ELK3: variants seen among roughly 807,000 people sequenced by gnomAD.
The protein encoded by ELK3 is ETS transcription factor ELK3.
A neutral mutation model predicts 28.9 loss-of-function variants in ELK3; 10 were observed. The ratio of observed to expected loss-of-function variants is 0.35; its 90% CI spans 0.21 to 0.59. The LOEUF (loss-of-function observed/expected upper bound fraction) is 0.59. Ranked by LOEUF, ELK3 falls within the 20% of genes least tolerant of loss-of-function variation. The pLI is 0.82. For synonymous variants in ELK3, 272 were observed against 243.5 expected, an observed-to-expected ratio of 1.12 and a Z score of -1.09; for missense variants, 463 against 517.3, an observed-to-expected ratio of 0.90 and a Z score of 1.02.
At position 96,247,858 on chromosome 12, in the gene ELK3, C is replaced by T; in HGVS notation, c.1002+124C>T. 8.1e-7 allele frequency: 1 copy of T among 1,230,686 alleles called. No individual in the cohort carries two copies. The highest frequency in any genetic ancestry group is 1.6e-5 in the South Asian group (1 of 61,228). The allele number at this position is 1,230,686 out of a possible 1,614,324, so 76.2% of individuals were successfully genotyped here. A position where few individuals can be genotyped will look rare whatever the true frequency, so the allele number is the denominator to read the frequency against. The stretch of plus-strand genomic sequence containing the variant: ...TGTCCTATGACTCGTACCGAGGTCA[C>T]TGTGTAAATGTGAAGGGAAGCTGCT... On this transcript the variant is annotated intron_variant, in intron 3 of 4. Transcript: ENST00000228741. This position sits in a 1 kb window ranked among gnomAD's most constrained non-coding sequence, Gnocchi z 5.5.
At chr12:96,196,189 C>T (rs1174457586) in intron 1 of ELK3, among the ~76,000 whole-genome samples, 1 of 152,202 alleles carries the variant, frequency 6.6e-6, no homozygotes, top group Non-Finnish European at 1.5e-5. Flanking sequence ...CACTGTCAGC[C>T]TGGGAGCCCG....
intron 1 of ELK3, among the ~76,000 whole-genome samples, chr12:96,216,754 C>T (rs1951621500): frequency 6.6e-6 from 1 of 152,196 alleles, no homozygotes; most frequent in Non-Finnish European, 1.5e-5. Context: ...CTTACAACAA[C>T]CCTGTATGAT....
chr12:96,202,505 C>T (rs971456123), intron 1 of ELK3, among the ~76,000 whole-genome samples: 7 of 148,496 alleles, frequency 4.7e-5, no homozygotes, highest in African/African-American at 1.7e-4. Context: ...TCCTGGCCTT[C>T]AGAGCCCTTA....
rs373103053 is a variant in ELK3, at chr12:96,267,342, C to CTGT, written c.*164_*166dup. The CTGT allele has an allele frequency of 2.7e-3, 1,532 of 574,722 alleles. 17 individuals carry two copies. The highest frequency in any genetic ancestry group is 0.025 in the African/African-American group (1,308 of 52,982). 35.6% of individuals were successfully genotyped at this position (574,722 alleles called of 1,614,324 possible). ...TAGATTTATGTTAGCATTTTAAAAA[C>CTGT]TGTTTTTGATATATTCAAGTATATA... is the stretch of plus-strand genomic sequence containing the variant. On this transcript the variant is annotated 3_prime_UTR_variant, in exon 5 of 5. Coordinates refer to ENST00000228741, the MANE Select transcript of ELK3 (RefSeq NM_005230.4).
At chr12:96,242,574 C>T (rs950421863) in intron 2 of ELK3, among the ~76,000 whole-genome samples, 1 of 152,194 alleles carries the variant, frequency 6.6e-6, no homozygotes. Context: ...CTTCTGGGGG[C>T]AGCCCTGGAA....
intron 1 of ELK3, among the ~76,000 whole-genome samples, chr12:96,211,416 T>A (rs555801459): frequency 1.3e-4 from 20 of 152,072 alleles, no homozygotes; most frequent in South Asian, 4.2e-4. Flanking sequence ...CCTAGAGAAT[T>A]TTAGATTGTC....
intron 2 of ELK3, among the ~76,000 whole-genome samples, chr12:96,230,591 A>G (rs897393629): frequency 1.3e-5 from 2 of 152,178 alleles, no homozygotes; most frequent in African/African-American, 4.8e-5. Flanking sequence ...CAGGGTGGAG[A>G]CAGGTCCACC....
chr12:96,228,836 C>T (rs762109956), intron 2 of ELK3, among the ~76,000 whole-genome samples: 1 of 152,122 alleles, frequency 6.6e-6, no homozygotes, highest in Non-Finnish European at 1.5e-5. Flanking sequence ...TCTCAGTTCA[C>T]CCATTGGAAA....
intron 2 of ELK3, among the ~76,000 whole-genome samples, chr12:96,244,941 G>A (rs537039435): frequency 1.3e-5 from 2 of 152,160 alleles, no homozygotes; most frequent in African/African-American, 2.4e-5. Flanking sequence ...GTTCAGCTTC[G>A]AGTAGCAGCG....
At chr12:96,253,335 C>A (rs1187060686) in intron 3 of ELK3, among the ~76,000 whole-genome samples, 1 of 152,190 alleles carries the variant, frequency 6.6e-6, no homozygotes, top group Non-Finnish European at 1.5e-5. Flanking sequence ...TTTTAAGAAA[C>A]TGCCACAGCC....
At chr12:96,226,509 C>T (rs925982772) in intron 2 of ELK3, among the ~76,000 whole-genome samples, 1 of 61,654 alleles carries the variant, frequency 1.6e-5, no homozygotes, top group Non-Finnish European at 3.1e-5. Context: ...CATGTGCACA[C>T]CCATGCCCAC....
At chr12:96,238,397 A>T (rs1439344412) in intron 2 of ELK3, among the ~76,000 whole-genome samples, 2 of 152,232 alleles carry the variant, frequency 1.3e-5, no homozygotes, top group African/African-American at 4.8e-5. Flanking sequence ...CTGGAATTCA[A>T]ACCCAGATCT....
intron 3 of ELK3, among the ~76,000 whole-genome samples, chr12:96,251,312 A>G (rs1342064546): frequency 6.6e-6 from 1 of 152,004 alleles, no homozygotes; most frequent in East Asian, 1.9e-4. Flanking sequence ...TCCTGTGTCA[A>G]ACTTGATCAG....
intron 2 of ELK3, among the ~76,000 whole-genome samples, chr12:96,242,559 C>T (rs994621629): frequency 1.3e-5 from 2 of 152,182 alleles, no homozygotes; most frequent in Admixed American, 6.5e-5. Flanking sequence ...ACATACATGG[C>T]GCTGCTTCTG....
At chr12:96,236,954 G>A (rs1951789247) in intron 2 of ELK3, among the ~76,000 whole-genome samples, 1 of 152,142 alleles carries the variant, frequency 6.6e-6, no homozygotes, top group Admixed American at 6.5e-5. Context: ...AGCCACCCTT[G>A]GTGTTCCTTG....
chr12:96,198,980 A>G (rs1951490936), intron 1 of ELK3, among the ~76,000 whole-genome samples: 1 of 152,216 alleles, frequency 6.6e-6, no homozygotes, highest in East Asian at 1.9e-4. Context: ...ATTTCTTCAT[A>G]GACTTGTTCA....
chr12:96,200,749 G>A (rs2016105), intron 1 of ELK3, among the ~76,000 whole-genome samples: 2,881 of 152,200 alleles, frequency 0.019, 37 homozygotes, highest in Middle Eastern at 0.037. Flanking sequence ...TGCAACCTCC[G>A]CCTCCTGTGT....
intron 2 of ELK3, among the ~76,000 whole-genome samples, chr12:96,234,269 G>A (rs147709998): frequency 1.6e-4 from 25 of 152,296 alleles, no homozygotes; most frequent in South Asian, 2.1e-4. Context: ...CGGGAGCGCC[G>A]TCAACACTGT....
intron 1 of ELK3, chr12:96,223,038 G>A: frequency 5.5e-6 from 1 of 180,422 alleles, no homozygotes; most frequent in Non-Finnish European, 1.2e-5. Flanking sequence ...GGTACCAAGG[G>A]AGATGGTGCT....
Sources: gnomAD v4.1 joint callset for allele counts (sites outside exome capture counted in the v4.1 genomes callset) on GRCh38, gnomAD v4.1.1 for gene constraint, Gnocchi (gnomAD v3.1) non-coding constraint, MANE v1.5 for transcripts, NCBI Gene and HGNC (gene_info 2026-07-23, HGNC 2026-07-21) for gene names.